Variants in RASSF2 observed in about 807,000 individuals in gnomAD.
RASSF2 encodes ras association domain-containing protein 2.
RASSF2 carries 34 observed loss-of-function variants against 46.3 expected under a neutral mutation model. The ratio of observed to expected loss-of-function variants is 0.73; its 90% CI spans 0.56 to 0.98. The LOEUF (loss-of-function observed/expected upper bound fraction) is 0.98, where lower values mean the gene tolerates loss of function less well. Among genes scored for constraint, RASSF2 ranks in the 50% least tolerant of loss-of-function variants. The pLI is 0.00. For synonymous variants in RASSF2, 158 were observed against 162.5 expected, an observed-to-expected ratio of 0.97 and a Z score of 0.21; for missense variants, 364 against 431.2, an observed-to-expected ratio of 0.84 and a Z score of 1.38.
intron 7 of RASSF2, among the ~76,000 whole-genome samples, 164 bp from the exon 8 acceptor site, chr20:4,789,861 G>C (rs989147179): frequency 2.0e-5 from 3 of 152,178 alleles, no homozygotes; most frequent in African/African-American, 7.2e-5. Flanking sequence ...GCAACCCTCG[G>C]GGTTTGCATA....
chr20:4,800,301 T>C (rs6084895), intron 3 of RASSF2, among the ~76,000 whole-genome samples: 67,720 of 151,908 alleles, frequency 0.45, 15,740 homozygotes, highest in Non-Finnish European at 0.52. Context: ...GACACACTAC[T>C]CCAGCCAGGA....
At chr20:4,804,039 C>A (rs1473920509) in intron 2 of RASSF2, among the ~76,000 whole-genome samples, 1 of 152,140 alleles carries the variant, frequency 6.6e-6, no homozygotes, top group Non-Finnish European at 1.5e-5. Context: ...GCCTGGTCGA[C>A]AGAGTAAGCC....
intron 10 of RASSF2, 31 bp from the exon 11 acceptor site, chr20:4,786,359 G>A (rs750633773): frequency 6.8e-7 from 1 of 1,468,736 alleles, no homozygotes; most frequent in Non-Finnish European, 9.5e-7. Context: ...CTGGGTGAAT[G>A]CCCTTCCCAG....
rs571126439 is a variant in RASSF2 at position 4,818,879 on chromosome 20, C to G, written c.-33+3450G>C. ...TGTGCCAGGCTAAGCACATGATAGC[C>G]CATTTGACCCTCACAATATTGCTGT... On this transcript the variant is annotated intron_variant, in intron 2 of 11. Coordinates refer to ENST00000379400, the MANE Select transcript of RASSF2 (RefSeq NM_014737.3). 1.4e-4 allele frequency among the ~76,000 whole-genome samples: 21 copies of G among 152,302 alleles called. 1 individual carries two copies. The South Asian group carries it at 2.3e-3, about 17-fold the overall frequency.
chr20:4,802,914 A>ATT (rs60825053), intron 2 of RASSF2, among the ~76,000 whole-genome samples: 1,880 of 95,504 alleles, frequency 0.02, 35 homozygotes, highest in African/African-American at 0.036. Context: ...ATATATATAT[A>ATT]TTTTTTTTTT....
At chr20:4,786,051 A>T (rs1161212633) in intron 11 of RASSF2, among the ~76,000 whole-genome samples, 180 bp downstream of exon 11, 2 of 152,172 alleles carry the variant, frequency 1.3e-5, no homozygotes, top group Admixed American at 1.3e-4. Flanking sequence ...GAAGTAGATG[A>T]ACACACTTAA....
At chr20:4,787,779 A>G (rs927830451) in intron 9 of RASSF2, 25 bp from the exon 10 acceptor site, 1 of 1,614,090 alleles carries the variant, frequency 6.2e-7, no homozygotes, top group Non-Finnish European at 8.5e-7. Context: ...ACCCAGGAGC[A>G]GCCCTGAGAG....
intron 3 of RASSF2, among the ~76,000 whole-genome samples, 179 bp from the exon 4 acceptor site, chr20:4,798,264 C>T (rs1004421774): frequency 6.6e-6 from 1 of 152,112 alleles, no homozygotes; most frequent in Non-Finnish European, 1.5e-5. Flanking sequence ...CACCCCATAA[C>T]CATCTTCCCC....
At chr20:4,785,885 CGTATACTT>C (rs1925288020) in intron 11 of RASSF2, among the ~76,000 whole-genome samples, 1 of 152,182 alleles carries the variant, frequency 6.6e-6, no homozygotes, top group African/African-American at 2.4e-5. Context: ...GGAGCCTGAT[CGTATACTT>C]AAGAAACCAG....
intron 6 of RASSF2, among the ~76,000 whole-genome samples, chr20:4,792,219 A>G (rs1015693828): frequency 8.1e-6 from 1 of 123,116 alleles, no homozygotes; most frequent in Admixed American, 9.9e-5. Context: ...CATCCTCCTG[A>G]GTGACAGAGG....
At position 4,795,258 on chromosome 20, in the gene RASSF2, A is replaced by C. The variant is rs2423003; in HGVS notation, c.287+557T>G. On this transcript the variant is annotated intron_variant, in intron 5 of 11. Transcript: ENST00000379400. This position sits in a 1 kb window ranked among gnomAD's most constrained non-coding sequence, Gnocchi z 4.0. ...AACTTAGACTACCACCATCTCACCAAACCCTGGCTCCCCGTATGGTCTGCA... is the reference window on the plus strand; with the variant it reads ...AACTTAGACTACCACCATCTCACCACACCCTGGCTCCCCGTATGGTCTGCA... 64,405 of 152,206 alleles carry C rather than the reference A, an allele frequency of 0.42. 13,828 individuals are homozygous for C. The highest frequency in any genetic ancestry group is 0.47 in the African/African-American group (19,521 of 41,504). The allele number at this position is 152,206 out of a possible 1,614,324, so 9.4% of individuals were successfully genotyped here.
chr20:4,803,579 C>A (rs538044560), intron 2 of RASSF2, among the ~76,000 whole-genome samples: 1 of 148,678 alleles, frequency 6.7e-6, no homozygotes, highest in South Asian at 2.2e-4. Context: ...CAGCAGGAGA[C>A]CCCATCTCTA....
Position 4,780,425 on chromosome 20 carries a change from T to C in RASSF2, c.*3848A>G, listed in dbSNP as rs890624490. On this transcript the variant is annotated 3_prime_UTR_variant, in exon 12 of 12. Transcript: ENST00000379400. The stretch of plus-strand genomic sequence containing the variant: ...GGGCGCTTCAACACCCCCCTTGTGA[T>C]AGGGCAGAGCTTTCTATTACATCTG... 2 of 152,172 alleles carry C rather than the reference T, an allele frequency of 1.3e-5. No individual in the cohort carries two copies. The highest frequency in any genetic ancestry group is 2.9e-5 in the Non-Finnish European group (2 of 68,024). 9.4% of individuals were successfully genotyped at this position (152,172 alleles called of 1,614,324 possible).
At chr20:4,800,857 G>A in intron 3 of RASSF2, 115 bp downstream of exon 3, 1 of 847,008 alleles carries the variant, frequency 1.2e-6, no homozygotes, top group Non-Finnish European at 2.0e-6. Context: ...CCATGCAGGA[G>A]CCCCACCAGT....
At chr20:4,815,628 G>C (rs1928243256) in intron 2 of RASSF2, among the ~76,000 whole-genome samples, 1 of 152,186 alleles carries the variant, frequency 6.6e-6, no homozygotes, top group Admixed American at 6.5e-5. Context: ...CTTCTACCTG[G>C]TTTGAATCTC....
intron 2 of RASSF2, among the ~76,000 whole-genome samples, chr20:4,811,252 G>GTAGTCTT (rs1555792684): frequency 1.3e-4 from 8 of 62,564 alleles, no homozygotes; most frequent in South Asian, 4.7e-4. Flanking sequence ...TCAGGAGGCT[G>GTAGTCTT]AGATAGGAGG....
In RASSF2 at chr20:4,795,951, T is replaced by C; in HGVS notation, c.151A>G (p.Ile51Val). Residue 51 changes from isoleucine (I) to valine (V), a missense_variant, in exon 5 of 12, where the codon ATT becomes GTT. Physicochemically the swap from Ile to Val is conservative, Grantham distance 29. Transcript: ENST00000379400. The surrounding 1 kb of genome is among the most constrained non-coding windows in gnomAD (Gnocchi z 4.0). Reference sequence around the variant, plus strand: ...GAGATGTTCAGGAGCCCCTCCACAATGAACTCGTCTTCTTCCTGCCCACAA... The same window carrying C: ...GAGATGTTCAGGAGCCCCTCCACAACGAACTCGTCTTCTTCCTGCCCACAA... ...LRHREEEDEF[I>V]VEGLLNISWG... 1 of 1,531,426 alleles carries C rather than the reference T, an allele frequency of 6.5e-7. No homozygotes were observed. Among genetic ancestry groups the C allele is most frequent in the South Asian group, 1.2e-5 (1 of 82,488 alleles). 94.9% of individuals were successfully genotyped at this position (1,531,426 alleles called of 1,614,324 possible).
chr20:4,802,375 C>T (rs746995210), intron 2 of RASSF2, among the ~76,000 whole-genome samples: 4 of 152,164 alleles, frequency 2.6e-5, no homozygotes, highest in Non-Finnish European at 5.9e-5. Context: ...TAAGTGTCCC[C>T]AGGGGCAAAA....
At chr20:4,784,554 C>T (rs914617839) in intron 11 of RASSF2, among the ~76,000 whole-genome samples, 1 of 115,474 alleles carries the variant, frequency 8.7e-6, no homozygotes, top group Non-Finnish European at 1.7e-5. Flanking sequence ...GAGGCCAAAT[C>T]CAAATTAGAT....
Sources: gnomAD v4.1 joint callset for allele counts (sites outside exome capture counted in the v4.1 genomes callset) on GRCh38, gnomAD v4.1.1 for gene constraint, Gnocchi (gnomAD v3.1) non-coding constraint, MANE v1.5 for transcripts, NCBI Gene and HGNC (gene_info 2026-07-23, HGNC 2026-07-21) for gene names.